BRD3: variants seen among roughly 807,000 people sequenced by gnomAD.
BRD3 encodes the protein bromodomain-containing protein 3.
BRD3 carries 17 observed loss-of-function variants against 66.8 expected under a neutral mutation model. The ratio of observed to expected loss-of-function variants is 0.25; its 90% confidence interval spans 0.17 to 0.38. BRD3 has a LOEUF of 0.38. Ranked by LOEUF, BRD3 falls within the 10% of genes least tolerant of loss-of-function variation. The pLI, the probability that BRD3 is intolerant of heterozygous loss-of-function variation, is 1.00. For synonymous variants in BRD3, 421 were observed against 393.2 expected (o/e 1.07, Z -0.84); for missense variants, 713 against 956.1 (o/e 0.75, Z 3.35).
intron 9 of BRD3, among the ~76,000 whole-genome samples, chr9:134,038,807 G>C (rs772098835): frequency 6.6e-6 from 1 of 152,064 alleles, no homozygotes; most frequent in Admixed American, 6.5e-5. Context: ...TGCTCAATGG[G>C]GAGTATAATG....
intron 9 of BRD3, chr9:134,036,671 A>C: frequency 2.7e-6 from 3 of 1,128,396 alleles, no homozygotes; most frequent in Non-Finnish European, 4.0e-6. Context: ...AAAATAATAA[A>C]ATGAGAGACC....
At chr9:134,067,856 C>A (rs1295950276) in intron 1 of BRD3, 89 bp downstream of exon 1, 2 of 143,288 alleles carry the variant, frequency 1.4e-5, no homozygotes, top group East Asian at 4.3e-4. Context: ...GCGGGGCGCT[C>A]GGGGCCGCGC....
At chr9:134,051,856 T>G in intron 3 of BRD3, 147 bp from the exon 4 acceptor site, 1 of 589,138 alleles carries the variant, frequency 1.7e-6, no homozygotes, top group Admixed American at 4.4e-5. Context: ...TATGTGTGTG[T>G]GTGTGTGTGT....
In BRD3 at chr9:134,053,252, A is replaced by G; in HGVS notation, c.213+13T>C. The G allele has an allele frequency of 6.2e-7, 1 of 1,613,080 alleles. No homozygotes were observed. The highest frequency in any genetic ancestry group is 8.5e-7 in the Non-Finnish European group (1 of 1,179,948). On this transcript the variant is annotated intron_variant, in intron 2 of 11. Transcript: ENST00000303407. The stretch of plus-strand genomic sequence containing the variant: ...AGCAGAACGTGGCTCTTGGGGAGGC[A>G]GCAGCTACGCACCGGCAGGTTCAAT...
At position 134,045,320 on chromosome 9, in the gene BRD3, C is replaced by T. The variant is rs753445703; in HGVS notation, c.1188G>A (p.Glu396=). Residue 396 remains glutamate, a synonymous_variant, in exon 7 of 12, where the codon GAG becomes GAA. Coordinates refer to ENST00000303407, the MANE Select transcript of BRD3 (RefSeq NM_007371.4). This position sits in a 1 kb window ranked among gnomAD's most constrained non-coding sequence, Gnocchi z 4.8. ...NCYKYNPPDH[E]VVAMARKLQD... ...GGAGCTTCCGGGCCATGGCCACAAC[C>T]TCGTGGTCTGGGGGATTGTATTTGT... The T allele has an allele frequency of 6.2e-7, 1 of 1,613,552 alleles. No homozygotes were observed. Among genetic ancestry groups the T allele is most frequent in the Non-Finnish European group, 8.5e-7 (1 of 1,180,018 alleles).
At chr9:134,041,245 G>A (rs1422456555) in intron 8 of BRD3, among the ~76,000 whole-genome samples, 1 of 152,192 alleles carries the variant, frequency 6.6e-6, no homozygotes, top group African/African-American at 2.4e-5. Context: ...TTCTCAATCT[G>A]ACCTCAAGAC....
At chr9:134,046,770 C>T (rs894742175) in intron 6 of BRD3, among the ~76,000 whole-genome samples, 2 of 152,202 alleles carry the variant, frequency 1.3e-5, no homozygotes, top group Non-Finnish European at 2.9e-5. Flanking sequence ...TCTCCCCATG[C>T]CATGCCAGGA....
intron 5 of BRD3, 134 bp downstream of exon 5, chr9:134,050,240 G>T: frequency 3.8e-6 from 3 of 779,864 alleles, no homozygotes; most frequent in Non-Finnish European, 6.1e-6. Flanking sequence ...TGAGCTCCCA[G>T]GGCGCAGAGA....
chr9:134,040,093 C>A lies in BRD3; in HGVS notation c.1584G>T (p.Lys528Asn). ...CAGGAGCCTTCTTCTGCTGAGCCTGCTTGGCAGGCGGAGCCACCTTGGCCT... is the reference window on the plus strand; with the variant it reads ...CAGGAGCCTTCTTCTGCTGAGCCTGATTGGCAGGCGGAGCCACCTTGGCCT... ...EKKAKVAPPA[K>N]QAQQKKAPAK... The change falls in exon 9 of 12, where the codon AAG becomes AAT. Residue 528 changes from lysine to asparagine, a missense_variant. Lys to Asn is a moderately conservative substitution (Grantham distance 94). Coordinates refer to ENST00000303407, the MANE Select transcript of BRD3 (RefSeq NM_007371.4). The A allele has an allele frequency of 6.3e-7, 1 of 1,586,736 alleles. No individual in the cohort carries two copies. The highest frequency in any genetic ancestry group is 8.6e-7 in the Non-Finnish European group (1 of 1,167,592).
At chr9:134,052,227 G>A in intron 3 of BRD3, 79 bp downstream of exon 3, 2 of 1,549,346 alleles carry the variant, frequency 1.3e-6, no homozygotes, top group Non-Finnish European at 1.7e-6. Flanking sequence ...AAGAGCTGCT[G>A]CAAAGCGCCC....
In BRD3 at chr9:134,036,087, C is replaced by T. The variant is rs1479029664; in HGVS notation, c.1881G>A (p.Arg627=). ...AAGACTTGACATATCTCTCCAGTTC[C>T]CGCAAAGTGGTGGGTTTCAGAGTCT... ...DFETLKPTTL[R]ELERYVKSCL... is the part of the protein sequence containing the mutation. Residue 627 remains arginine, a synonymous_variant, in exon 10 of 12, where the codon CGG becomes CGA. Transcript: ENST00000303407. 1.2e-6 allele frequency: 2 copies of T among 1,614,132 alleles called. No individual in the cohort carries two copies. The highest frequency in any genetic ancestry group is 4.5e-5 in the East Asian group (2 of 44,894).
Position 134,048,254 on chromosome 9 carries a change from C to G in BRD3, c.915G>C (p.Lys305Asn). 2.5e-6 allele frequency: 4 copies of G among 1,611,374 alleles called. No individual in the cohort carries two copies. The highest frequency in any genetic ancestry group is 3.4e-6 in the Non-Finnish European group (4 of 1,179,326). ...DGEVPQHAGK[K>N]GKLSEHLRYC... ...AGCGTAGGTGCTCCGACAGCTTGCC[C>G]TTCTTGCCTGCGTGCTGGGGCACCT... Residue 305 changes from lysine to asparagine, a missense_variant, in exon 6 of 12, where the codon AAG (lysine) becomes AAC (asparagine). Physicochemically the swap from Lys to Asn is moderately conservative, Grantham distance 94. This residue lies in a region of BRD3 where 418 missense variants were observed against 609.3 expected (regional missense o/e 0.69). Coordinates refer to ENST00000303407, the MANE Select transcript of BRD3 (RefSeq NM_007371.4).
At chr9:134,055,433 C>T (rs1231700180) in intron 1 of BRD3, among the ~76,000 whole-genome samples, 2 of 152,204 alleles carry the variant, frequency 1.3e-5, no homozygotes, top group African/African-American at 4.8e-5. Flanking sequence ...GGCTCCTGCC[C>T]TTCCAAGGCC....
intron 4 of BRD3, among the ~76,000 whole-genome samples, chr9:134,050,950 C>T (rs1302360463): frequency 6.6e-6 from 1 of 152,200 alleles, no homozygotes; most frequent in Admixed American, 6.5e-5. Context: ...ACGATGTGGC[C>T]GTACTTAAGC....
intron 1 of BRD3, among the ~76,000 whole-genome samples, chr9:134,065,302 T>A (rs895790335): frequency 2.7e-4 from 41 of 152,310 alleles, no homozygotes; most frequent in African/African-American, 9.6e-4. Flanking sequence ...CGGACGCCTG[T>A]AATCCCAGCT....
chr9:134,053,439 C>A lies in BRD3; in HGVS notation c.39G>T (p.Pro13=). 8 of 1,609,956 alleles carry A rather than the reference C, an allele frequency of 5.0e-6. No homozygotes were observed. Among genetic ancestry groups the A allele is most frequent in the Non-Finnish European group, 6.8e-6 (8 of 1,179,368 alleles). The change falls in exon 2 of 12, where the codon CCG becomes CCT. Residue 13 remains proline, a synonymous_variant. Coordinates refer to ENST00000303407, the MANE Select transcript of BRD3 (RefSeq NM_007371.4). ...TATTVAPAGI[P]ATPGPVNPPP... ...GTGGGTTCACAGGGCCCGGGGTCGC[C>A]GGGATCCCCGCGGGGGCGACTGTCG...
chr9:134,063,670 C>A (rs1165239208), intron 1 of BRD3, among the ~76,000 whole-genome samples: 1 of 152,214 alleles, frequency 6.6e-6, no homozygotes, highest in Non-Finnish European at 1.5e-5. Context: ...CAGAGTCCCA[C>A]AGCTCCCAGG....
At chr9:134,044,212 A>G (rs1388151557) in intron 7 of BRD3, among the ~76,000 whole-genome samples, 1 of 152,188 alleles carries the variant, frequency 6.6e-6, no homozygotes, top group Admixed American at 6.5e-5. Context: ...CCACCCTGCC[A>G]TCATCACCCA....
intron 1 of BRD3, among the ~76,000 whole-genome samples, chr9:134,061,997 C>T (rs538801821): frequency 9.9e-5 from 15 of 152,222 alleles, no homozygotes; most frequent in Non-Finnish European, 1.9e-4. Flanking sequence ...GACCAGCGGC[C>T]ACCCTCCAGG....
Sources: gnomAD v4.1 joint callset for allele counts (sites outside exome capture counted in the v4.1 genomes callset) on GRCh38, gnomAD v4.1.1 for gene constraint, gnomAD v4.1.1 regional missense constraint, Gnocchi (gnomAD v3.1) non-coding constraint, MANE v1.5 for transcripts, NCBI Gene and HGNC (gene_info 2026-07-23, HGNC 2026-07-21) for gene names.